Variants in GRIK2 observed in about 807,000 individuals in gnomAD.
GRIK2 encodes the protein glutamate receptor ionotropic, kainate 2.
Under a neutral mutation model 100.3 loss-of-function variants are expected in GRIK2, and 32 were observed. The observed-to-expected ratio is 0.32, with a 90% confidence interval of 0.24 to 0.43. The LOEUF (loss-of-function observed/expected upper bound fraction) is 0.43, where lower values mean the gene tolerates loss of function less well. Among genes scored for constraint, GRIK2 ranks in the 20% least tolerant of loss-of-function variants. The pLI is 1.00. For missense variants in GRIK2, 843 were observed against 1,114.9 expected (o/e 0.76, Z 3.47); for synonymous variants, 417 against 389.4 (o/e 1.07, Z -0.83).
At chr6:101,864,106 C>T (rs911465576) in intron 11 of GRIK2, among the ~76,000 whole-genome samples, 15 of 146,654 alleles carry the variant, frequency 1.0e-4, no homozygotes, top group Admixed American at 6.2e-4. Flanking sequence ...CACTGCAGTC[C>T]GCAGTCCGGC....
chr6:101,539,567 G>T (rs1775885632), intron 2 of GRIK2, among the ~76,000 whole-genome samples: 1 of 151,776 alleles, frequency 6.6e-6, no homozygotes, highest in African/African-American at 2.4e-5. Flanking sequence ...AGGAGGGATA[G>T]TAGTAGTAAG....
chr6:101,898,785 G>C (rs1359311243), intron 12 of GRIK2, among the ~76,000 whole-genome samples: 1 of 151,680 alleles, frequency 6.6e-6, no homozygotes, highest in African/African-American at 2.4e-5. Context: ...AGTGGTATTA[G>C]TATTGTTTTT....
At chr6:101,440,477 G>A (rs1414004412) in intron 2 of GRIK2, among the ~76,000 whole-genome samples, 2 of 152,122 alleles carry the variant, frequency 1.3e-5, no homozygotes, top group Non-Finnish European at 2.9e-5. Flanking sequence ...TGCTTGTGCA[G>A]TTGATCTGGT....
chr6:101,684,797 G>C (rs940441663), intron 6 of GRIK2, among the ~76,000 whole-genome samples: 2 of 149,700 alleles, frequency 1.3e-5, no homozygotes, highest in African/African-American at 4.9e-5. Context: ...GGGAGGTTAT[G>C]ATCTAATGGC....
intron 11 of GRIK2, among the ~76,000 whole-genome samples, chr6:101,865,952 A>G (rs758172956): frequency 2.0e-5 from 3 of 151,948 alleles, no homozygotes; most frequent in Non-Finnish European, 4.4e-5. Flanking sequence ...AACCAACAAC[A>G]ACAAATAAAA....
In GRIK2 at chr6:101,825,404, C is replaced by A. The variant is rs150394943; in HGVS notation, c.1317+6921C>A. ...TCCACAAAGCTAGTCAAATATAAAA[C>A]TATTGATGGTGGTAGAGAAAGAAGA... is the stretch of plus-strand genomic sequence containing the variant. On this transcript the variant is annotated intron_variant, in intron 10 of 16. Coordinates refer to ENST00000369134, the MANE Select transcript of GRIK2 (RefSeq NM_021956.5). Among the ~76,000 whole-genome samples the A allele has an allele frequency of 5.9e-5, 9 of 152,062 alleles. No individual in the cohort carries two copies. In the East Asian group the frequency reaches 1.7e-3, roughly 29 times the overall value.
chr6:101,499,340 A>G (rs9404113), intron 2 of GRIK2, among the ~76,000 whole-genome samples: 35,776 of 152,034 alleles, frequency 0.24, 5,114 homozygotes, highest in East Asian at 0.48. Context: ...TTGAAAGAAA[A>G]AGTACTCTTT....
At chr6:101,652,704 A>G (rs1195346421) in intron 4 of GRIK2, among the ~76,000 whole-genome samples, 4 of 152,214 alleles carry the variant, frequency 2.6e-5, no homozygotes, top group African/African-American at 4.8e-5. Context: ...TTAATAATGC[A>G]GTATTGAGAG....
intron 2 of GRIK2, among the ~76,000 whole-genome samples, chr6:101,571,689 G>A (rs1777539906): frequency 1.3e-5 from 2 of 152,022 alleles, no homozygotes; most frequent in African/African-American, 4.8e-5. Flanking sequence ...AATACTTTCT[G>A]CAGATAATTT....
At chr6:101,510,976 C>T in intron 2 of GRIK2, among the ~76,000 whole-genome samples, 1 of 151,984 alleles carries the variant, frequency 6.6e-6, no homozygotes, top group Non-Finnish European at 1.5e-5. Flanking sequence ...TTTTTTATAA[C>T]ACAAAGCATG....
At chr6:102,052,598 T>A (rs1327051981) in intron 15 of GRIK2, among the ~76,000 whole-genome samples, 1 of 152,218 alleles carries the variant, frequency 6.6e-6, no homozygotes, top group Non-Finnish European at 1.5e-5. Flanking sequence ...TTGAAGATAC[T>A]GGAATAGACA....
chr6:101,528,703 C>G (rs1018238310), intron 2 of GRIK2, among the ~76,000 whole-genome samples: 1 of 152,072 alleles, frequency 6.6e-6, no homozygotes, highest in East Asian at 1.9e-4. Context: ...AGAGATCACA[C>G]ATAAAACAAT....
intron 13 of GRIK2, among the ~76,000 whole-genome samples, chr6:101,926,209 T>C (rs369380348): frequency 6.7e-6 from 1 of 149,506 alleles, no homozygotes; most frequent in Non-Finnish European, 1.5e-5. Flanking sequence ...TTTTTTTTTT[T>C]TTTTTTTTTT....
At chr6:101,806,953 C>T (rs1781043985) in intron 9 of GRIK2, among the ~76,000 whole-genome samples, 1 of 151,668 alleles carries the variant, frequency 6.6e-6, no homozygotes, top group Non-Finnish European at 1.5e-5. Context: ...AAAATATATG[C>T]TCCCTTTTCC....
At chr6:101,595,128 C>G (rs959057400) in intron 2 of GRIK2, among the ~76,000 whole-genome samples, 58 of 150,786 alleles carry the variant, frequency 3.8e-4, no homozygotes, top group African/African-American at 1.4e-3. Context: ...CCACTTTTGA[C>G]AATGTGATGA....
intron 10 of GRIK2, among the ~76,000 whole-genome samples, chr6:101,830,003 A>G (rs955328863): frequency 1.5e-4 from 23 of 152,236 alleles, no homozygotes; most frequent in Non-Finnish European, 2.5e-4. Flanking sequence ...AGCCAGAGGC[A>G]TCACACTACC....
At chr6:101,417,077 G>A (rs1356043628) in intron 2 of GRIK2, among the ~76,000 whole-genome samples, 3 of 152,214 alleles carry the variant, frequency 2.0e-5, no homozygotes, top group East Asian at 1.9e-4. Flanking sequence ...GGCTAGGGAG[G>A]CCTCACAATC....
chr6:101,979,078 A>G (rs982091920), intron 14 of GRIK2, among the ~76,000 whole-genome samples: 2 of 152,006 alleles, frequency 1.3e-5, no homozygotes, highest in African/African-American at 4.8e-5. Context: ...ATAGTAAAAA[A>G]CAAACAGGAA....
rs1272221001 is a variant in GRIK2 at position 101,520,326 on chromosome 6, A to G, written c.116-101623A>G. On this transcript the variant is annotated intron_variant, in intron 2 of 16. Transcript: ENST00000369134. Reference sequence around the variant, plus strand: ...TTATTATTTGTTTTTTCTTTCATGCATTAGGCTAATACCTGAAGTATTACA... The same window carrying G: ...TTATTATTTGTTTTTTCTTTCATGCGTTAGGCTAATACCTGAAGTATTACA... Among the ~76,000 whole-genome samples the G allele has an allele frequency of 2.0e-5, 3 of 150,724 alleles. No homozygotes were observed. In the East Asian group the frequency reaches 5.8e-4, roughly 29 times the overall value.
Sources: allele counts gnomAD v4.1 joint callset (sites outside exome capture counted in the v4.1 genomes callset), GRCh38; gene constraint gnomAD v4.1.1; transcripts MANE v1.5; gene names NCBI Gene and HGNC (gene_info 2026-07-23, HGNC 2026-07-21).